KCNQ5: variants seen among roughly 807,000 people sequenced by gnomAD.
KCNQ5 encodes potassium voltage-gated channel subfamily Q member 5.
Under a neutral mutation model 98.2 loss-of-function variants are expected in KCNQ5, and 30 were observed. The observed-to-expected ratio is 0.31, with a 90% CI of 0.23 to 0.41. The LOEUF (loss-of-function observed/expected upper bound fraction) is 0.41, where lower values mean the gene tolerates loss of function less well. Among genes scored for constraint, KCNQ5 ranks in the 10% least tolerant of loss-of-function variants. The pLI, the probability that KCNQ5 is intolerant of heterozygous loss-of-function variation, is 1.00. For synonymous variants in KCNQ5, 458 were observed against 449.4 expected, an observed-to-expected ratio of 1.02 and a Z score of -0.24; for missense variants, 835 against 1,182.5, an observed-to-expected ratio of 0.71 and a Z score of 4.31.
At chr6:73,057,358 A>C (rs191493488) in intron 3 of KCNQ5, among the ~76,000 whole-genome samples, 7,819 of 150,924 alleles carry the variant, frequency 0.052, 322 homozygotes, top group Middle Eastern at 0.13. Flanking sequence ...GAGGGATAGC[A>C]TTAGGAGATA....
intron 1 of KCNQ5, among the ~76,000 whole-genome samples, chr6:72,908,417 A>G (rs1562060916): frequency 6.6e-6 from 1 of 152,168 alleles, no homozygotes; most frequent in Non-Finnish European, 1.5e-5. Flanking sequence ...TCTTCACTAT[A>G]GTAACTCTTT....
At chr6:73,030,556 T>G (rs1771098560) in intron 2 of KCNQ5, among the ~76,000 whole-genome samples, 2 of 152,218 alleles carry the variant, frequency 1.3e-5, no homozygotes, top group Admixed American at 1.3e-4. Flanking sequence ...GGTAATAAAA[T>G]GCACTTTGGT....
chr6:72,820,410 G>A (rs1011663177), intron 1 of KCNQ5, among the ~76,000 whole-genome samples: 4 of 151,982 alleles, frequency 2.6e-5, no homozygotes, highest in Non-Finnish European at 4.4e-5. Flanking sequence ...AAGCAGGCAG[G>A]GTGAAATATT....
chr6:73,075,432 A>G (rs1192722808), intron 3 of KCNQ5, among the ~76,000 whole-genome samples: 2 of 152,142 alleles, frequency 1.3e-5, no homozygotes, highest in East Asian at 1.9e-4. Context: ...CATGTTGGCC[A>G]GGATGGTCTC....
At chr6:73,007,045 T>A (rs911129160) in intron 2 of KCNQ5, among the ~76,000 whole-genome samples, 1 of 152,132 alleles carries the variant, frequency 6.6e-6, no homozygotes, top group Admixed American at 6.5e-5. Flanking sequence ...GCTTGCCTCC[T>A]GGGGGCCCCC....
chr6:72,773,043 G>A (rs991696163), intron 1 of KCNQ5, among the ~76,000 whole-genome samples: 2 of 152,046 alleles, frequency 1.3e-5, no homozygotes, highest in Non-Finnish European at 2.9e-5. Flanking sequence ...CTTGTAAAAC[G>A]CTATATTGAA....
At chr6:73,147,035 C>A (rs1180434660) in intron 10 of KCNQ5, among the ~76,000 whole-genome samples, 1 of 152,204 alleles carries the variant, frequency 6.6e-6, no homozygotes, top group Non-Finnish European at 1.5e-5. Context: ...TTGAATTAAT[C>A]CGACACAGTG....
intron 1 of KCNQ5, among the ~76,000 whole-genome samples, chr6:72,793,133 A>T (rs535238927): frequency 3.3e-5 from 5 of 152,376 alleles, no homozygotes; most frequent in Admixed American, 2.6e-4. Context: ...CTGGACAGTT[A>T]TGTAGGTAAA....
Position 73,142,769 on chromosome 6 carries a change from A to G in KCNQ5, c.1468+9128A>G, listed in dbSNP as rs1776773282. On this transcript the variant is annotated intron_variant, in intron 10 of 13. Coordinates refer to ENST00000370398, the MANE Select transcript of KCNQ5 (RefSeq NM_019842.4). Reference sequence around the variant, plus strand: ...TGTCTCTACTAAAAATACAAAAATTAGCCAGGCGTGGTGGCGGGCACCTGT... The same window carrying G: ...TGTCTCTACTAAAAATACAAAAATTGGCCAGGCGTGGTGGCGGGCACCTGT... Among the ~76,000 whole-genome samples the G allele has an allele frequency of 2.0e-5, 3 of 152,224 alleles. No homozygotes were observed. The South Asian group carries it at 6.2e-4, about 32-fold the overall frequency.
At chr6:73,154,431 A>G (rs1020929963) in intron 10 of KCNQ5, among the ~76,000 whole-genome samples, 5 of 152,182 alleles carry the variant, frequency 3.3e-5, no homozygotes, top group African/African-American at 1.2e-4. Context: ...ATGTGAAGTA[A>G]TGCTATCTTG....
At chr6:72,935,272 C>T (rs773722985) in intron 1 of KCNQ5, among the ~76,000 whole-genome samples, 11 of 151,632 alleles carry the variant, frequency 7.3e-5, no homozygotes, top group Non-Finnish European at 7.4e-5. Context: ...GGTTTCACCA[C>T]GTTGGCCAGG....
At chr6:72,727,218 A>G (rs920951955) in intron 1 of KCNQ5, among the ~76,000 whole-genome samples, 1 of 152,244 alleles carries the variant, frequency 6.6e-6, no homozygotes, top group African/African-American at 2.4e-5. Context: ...AAAGTGAGAA[A>G]TGTTCTGAGC....
At chr6:72,919,816 C>G (rs1285294118) in intron 1 of KCNQ5, among the ~76,000 whole-genome samples, 1 of 152,128 alleles carries the variant, frequency 6.6e-6, no homozygotes, top group Non-Finnish European at 1.5e-5. Context: ...TCATTTGTCT[C>G]TGACGTTCCA....
In KCNQ5 at chr6:72,756,408, A is replaced by C. The variant is rs73756503; in HGVS notation, c.398+133821A>C. Among the ~76,000 whole-genome samples the C allele has an allele frequency of 4.3e-3, 649 of 152,320 alleles. 3 individuals are homozygous for C. The highest frequency in any genetic ancestry group is 0.015 in the African/African-American group (618 of 41,578). On this transcript the variant is annotated intron_variant, in intron 1 of 13. Coordinates refer to ENST00000370398, the MANE Select transcript of KCNQ5 (RefSeq NM_019842.4). ...GCATCTTAAACAAATTTTGGATTTG[A>C]AATGGCTCAAAGCATTTGGGAACTC...
At chr6:72,864,434 T>C (rs1777894055) in intron 1 of KCNQ5, among the ~76,000 whole-genome samples, 1 of 152,234 alleles carries the variant, frequency 6.6e-6, no homozygotes, top group African/African-American at 2.4e-5. Context: ...GCAATGTTTG[T>C]TCACTGAGAA....
chr6:72,655,047 T>G (rs1766096109), intron 1 of KCNQ5, among the ~76,000 whole-genome samples: 1 of 146,722 alleles, frequency 6.8e-6, no homozygotes, highest in African/African-American at 2.5e-5. Context: ...TTTCTTTCTT[T>G]CTTTCTTTCT....
At chr6:72,902,518 A>G (rs1779551858) in intron 1 of KCNQ5, among the ~76,000 whole-genome samples, 2 of 152,034 alleles carry the variant, frequency 1.3e-5, no homozygotes, top group Admixed American at 1.3e-4. Flanking sequence ...TATGTCCTGT[A>G]TGTGCCAGTT....
At chr6:72,762,801 T>C (rs935529108) in intron 1 of KCNQ5, among the ~76,000 whole-genome samples, 2 of 152,116 alleles carry the variant, frequency 1.3e-5, no homozygotes, top group African/African-American at 4.8e-5. Context: ...TCATGAATTA[T>C]TTAAGTATAT....
chr6:73,030,525 T>C (rs1288975774), intron 2 of KCNQ5, among the ~76,000 whole-genome samples: 1 of 152,188 alleles, frequency 6.6e-6, no homozygotes, highest in Admixed American at 6.5e-5. Context: ...ACTTTGGTAA[T>C]GGGAAAAATA....
Sources: allele counts gnomAD v4.1 joint callset (sites outside exome capture counted in the v4.1 genomes callset), GRCh38; gene constraint gnomAD v4.1.1; transcripts MANE v1.5; gene names NCBI Gene and HGNC (gene_info 2026-07-23, HGNC 2026-07-21).